ARMC2: variants seen among roughly 807,000 people sequenced by gnomAD.
ARMC2 encodes the protein armadillo repeat containing 2.
In ARMC2, 67 loss-of-function variants were observed where a neutral mutation model predicts 90.3. The ratio of observed to expected loss-of-function variants is 0.74; its 90% CI spans 0.61 to 0.91. The LOEUF (loss-of-function observed/expected upper bound fraction) is 0.91, where lower values mean the gene tolerates loss of function less well. Ranked by LOEUF, ARMC2 falls within the 40% of genes least tolerant of loss-of-function variation. The pLI, the probability that ARMC2 is intolerant of heterozygous loss-of-function variation, is 0.00. For synonymous variants in ARMC2, 393 were observed against 393.0 expected (o/e 1.00, Z 0.00); for missense variants, 920 against 1,030.9 (o/e 0.89, Z 1.47).
chr6:108,876,966 T>C (rs1050794637), intron 5 of ARMC2, among the ~76,000 whole-genome samples: 4 of 152,338 alleles, frequency 2.6e-5, no homozygotes, highest in Admixed American at 2.0e-4. Context: ...GGAGAAATGC[T>C]TGCTGTTTGG....
chr6:108,890,611 C>T (rs1433842758), intron 5 of ARMC2, among the ~76,000 whole-genome samples: 2 of 151,930 alleles, frequency 1.3e-5, no homozygotes, highest in Non-Finnish European at 2.9e-5. Context: ...GTAGTTCACC[C>T]AAGATCACAA....
chr6:108,873,195 A>G lies in ARMC2; in HGVS notation c.464-2948A>G, dbSNP rs1582975587. 2.6e-5 allele frequency among the ~76,000 whole-genome samples: 4 copies of G among 152,170 alleles called. No individual in the cohort carries two copies. The South Asian group carries it at 8.3e-4, about 32-fold the overall frequency. The stretch of plus-strand genomic sequence containing the variant: ...TTATGGCCACTGAAACTTGAATTTC[A>G]TGTAATTTTCACTTGTCACAAAATA... On this transcript the variant is annotated intron_variant, in intron 4 of 17. Coordinates refer to ENST00000392644, the MANE Select transcript of ARMC2 (RefSeq NM_032131.6).
chr6:109,008,638 T>C, the ARMC2 span: 1 of 282,084 alleles, frequency 3.5e-6, no homozygotes, highest in East Asian at 1.8e-4. Context: ...CAGCACCTGA[T>C]TTCAATCCAA....
In ARMC2 at chr6:108,894,454, G is replaced by A. The variant is rs1444167295; in HGVS notation, c.672-13G>A. 2 of 1,604,770 alleles carry A rather than the reference G, an allele frequency of 1.2e-6. No individual in the cohort carries two copies. Among genetic ancestry groups the A allele is most frequent in the Non-Finnish European group, 8.5e-7 (1 of 1,176,496 alleles). On this transcript the variant is annotated splice_polypyrimidine_tract_variant and intron_variant, in intron 5 of 17. Coordinates refer to ENST00000392644, the MANE Select transcript of ARMC2 (RefSeq NM_032131.6). ...TTCATGTTTGCGCTGAGTGTTTTAT[G>A]TATTCCTCCTAGGGACCAGGGGAAG...
intron 1 of ARMC2, among the ~76,000 whole-genome samples, chr6:108,850,668 T>C (rs118080771): frequency 0.011 from 1,749 of 152,368 alleles, 7 homozygotes; most frequent in South Asian, 0.032. Flanking sequence ...CTGTAACAAA[T>C]ATCTCCAGTT....
intron 7 of ARMC2, among the ~76,000 whole-genome samples, chr6:108,903,657 A>G (rs974713597): frequency 6.6e-6 from 1 of 152,212 alleles, no homozygotes; most frequent in Admixed American, 6.5e-5. Flanking sequence ...TATGACATCT[A>G]TTTGAGGGCA....
chr6:108,902,818 A>G (rs1381958963), intron 7 of ARMC2, among the ~76,000 whole-genome samples: 2 of 152,116 alleles, frequency 1.3e-5, no homozygotes, highest in Admixed American at 6.6e-5. Context: ...GACAGAATAC[A>G]TTAGATTATT....
intron 13 of ARMC2, among the ~76,000 whole-genome samples, chr6:108,958,780 C>G (rs143804175): frequency 3.9e-5 from 6 of 152,354 alleles, no homozygotes; most frequent in Admixed American, 2.0e-4. Context: ...GTGCCATGCA[C>G]TCATTTAAGC....
chr6:109,003,372 T>A, the ARMC2 span, among the ~76,000 whole-genome samples: 2 of 123,276 alleles, frequency 1.6e-5, no homozygotes, highest in Admixed American at 1.8e-4. Flanking sequence ...AAAGTGGGGA[T>A]GGGGTGGGGG....
At position 108,973,629 on chromosome 6, in the gene ARMC2, C is replaced by A. The variant is rs1778907916; in HGVS notation, c.*115C>A. On this transcript the variant is annotated 3_prime_UTR_variant, in exon 18 of 18. Coordinates refer to ENST00000392644, the MANE Select transcript of ARMC2 (RefSeq NM_032131.6). The stretch of plus-strand genomic sequence containing the variant: ...ACAAATGTGGAAAGTTTTTCAAGAA[C>A]TGGTTTTAGTGAGTAGCTGAAGTAT... 5.4e-6 allele frequency: 6 copies of A among 1,119,792 alleles called. No individual in the cohort carries two copies. The East Asian group carries it at 1.5e-4, about 28-fold the overall frequency. The allele number at this position is 1,119,792 out of a possible 1,614,324, so 69.4% of individuals were successfully genotyped here.
intron 5 of ARMC2, among the ~76,000 whole-genome samples, chr6:108,893,671 A>G (rs558575235): frequency 6.6e-6 from 1 of 152,378 alleles, no homozygotes; most frequent in East Asian, 1.9e-4. Flanking sequence ...TTAGGCAAAT[A>G]TGACTTGTTT....
chr6:108,998,631 T>C, the ARMC2 span: 1 of 1,613,948 alleles, frequency 6.2e-7, no homozygotes, highest in Non-Finnish European at 8.5e-7. Flanking sequence ...ACCATCACAA[T>C]GAATTTCTGG....
At chr6:108,853,950 A>C (rs1051119458) in intron 1 of ARMC2, among the ~76,000 whole-genome samples, 1 of 152,006 alleles carries the variant, frequency 6.6e-6, no homozygotes, top group East Asian at 1.9e-4. Flanking sequence ...CGCTCTTCCT[A>C]TTCTGTCTTC....
the ARMC2 span, among the ~76,000 whole-genome samples, chr6:108,994,820 G>A: frequency 1.1e-4 from 16 of 149,952 alleles, no homozygotes; most frequent in African/African-American, 3.4e-4. Flanking sequence ...CTCCTGCCTC[G>A]GCCTCCCGAG....
At chr6:109,035,328 T>A in the ARMC2 span, among the ~76,000 whole-genome samples, 5 of 152,154 alleles carry the variant, frequency 3.3e-5, no homozygotes, top group African/African-American at 1.2e-4. Flanking sequence ...AAGTCAGGTA[T>A]TTTAAGAAAT....
the ARMC2 span, among the ~76,000 whole-genome samples, chr6:108,996,700 T>C: frequency 2.0e-5 from 3 of 152,168 alleles, no homozygotes; most frequent in Admixed American, 2.0e-4. Flanking sequence ...AACTCTTTTT[T>C]CTTTCCCTTT....
intron 3 of ARMC2, among the ~76,000 whole-genome samples, chr6:108,859,858 G>T (rs1179489119): frequency 6.6e-6 from 1 of 152,078 alleles, no homozygotes; most frequent in African/African-American, 2.4e-5. Flanking sequence ...TACAAAATTA[G>T]CTGGGCATGG....
intron 17 of ARMC2, among the ~76,000 whole-genome samples, chr6:108,969,143 G>A (rs529461266): frequency 6.6e-6 from 1 of 152,330 alleles, no homozygotes; most frequent in African/African-American, 2.4e-5. Flanking sequence ...GGGCACTTAG[G>A]TTTTGTGACA....
At chr6:108,923,409 G>A (rs987092733) in intron 10 of ARMC2, among the ~76,000 whole-genome samples, 2 of 152,022 alleles carry the variant, frequency 1.3e-5, no homozygotes, top group East Asian at 3.9e-4. Context: ...TTGAGGGTGG[G>A]AAATAAAGAC....
Sources: allele counts gnomAD v4.1 joint callset (sites outside exome capture counted in the v4.1 genomes callset), GRCh38; gene constraint gnomAD v4.1.1; transcripts MANE v1.5; gene names NCBI Gene and HGNC (gene_info 2026-07-23, HGNC 2026-07-21).